Variants in ZNF385D observed in about 807,000 individuals in gnomAD.
The protein encoded by ZNF385D is zinc finger protein 385D, also known as zinc finger protein 659.
A neutral mutation model predicts 35.8 loss-of-function variants in ZNF385D; 15 were observed. The observed-to-expected ratio is 0.42, with a 90% CI of 0.28 to 0.64. The LOEUF (loss-of-function observed/expected upper bound fraction) is 0.64. Ranked by LOEUF, ZNF385D falls within the 30% of genes least tolerant of loss-of-function variation. ZNF385D has a pLI of 0.23. For synonymous variants in ZNF385D, 212 were observed against 186.8 expected (o/e 1.13, Z -1.10); for missense variants, 474 against 494.6 (o/e 0.96, Z 0.39).
chr3:22,250,559 A>G (rs1334735209), intron 2 of ZNF385D, among the ~76,000 whole-genome samples: 2 of 152,118 alleles, frequency 1.3e-5, no homozygotes, highest in Non-Finnish European at 2.9e-5. Context: ...TATAAAGATG[A>G]GCCAGCTATG....
intron 3 of ZNF385D, among the ~76,000 whole-genome samples, chr3:21,983,291 T>C (rs1252148263): frequency 4.3e-5 from 6 of 139,164 alleles, no homozygotes; most frequent in Admixed American, 1.5e-4. Flanking sequence ...ATTAGGTATA[T>C]CTCCCAATGC....
At chr3:22,210,428 C>G (rs906445700) in intron 2 of ZNF385D, among the ~76,000 whole-genome samples, 6 of 151,726 alleles carry the variant, frequency 4.0e-5, no homozygotes, top group African/African-American at 1.5e-4. Flanking sequence ...CACGAATCAG[C>G]TTAAGGACTT....
At chr3:21,755,757 T>A (rs553316940), upstream of ZNF385D, among the ~76,000 whole-genome samples, 1 of 151,862 alleles carries the variant, frequency 6.6e-6, no homozygotes, top group South Asian at 2.1e-4. Flanking sequence ...ACAAATTCAT[T>A]ATTTATCTAT....
At chr3:22,354,593 C>T (rs577977404) in intron 2 of ZNF385D, among the ~76,000 whole-genome samples, 1 of 151,984 alleles carries the variant, frequency 6.6e-6, no homozygotes, top group South Asian at 2.1e-4. Flanking sequence ...TACATTAAAA[C>T]CTTAAGGAAT....
At chr3:21,500,029 G>A (rs1352454834) in intron 4 of ZNF385D, among the ~76,000 whole-genome samples, 1 of 152,118 alleles carries the variant, frequency 6.6e-6, no homozygotes, top group Non-Finnish European at 1.5e-5. Flanking sequence ...AGAAACTGAA[G>A]TAGCTCACTA....
At chr3:21,825,943 T>C (rs1575727841) in intron 3 of ZNF385D, among the ~76,000 whole-genome samples, 3 of 152,132 alleles carry the variant, frequency 2.0e-5, no homozygotes, top group East Asian at 1.9e-4. Context: ...CAAAACCCTG[T>C]TGTGAACTGT....
intron 2 of ZNF385D, among the ~76,000 whole-genome samples, chr3:22,286,809 G>T (rs544348466): frequency 6.6e-6 from 1 of 152,128 alleles, no homozygotes; most frequent in East Asian, 1.9e-4. Context: ...GATCTTTTCT[G>T]AAGAATCATC....
At chr3:21,836,796 T>C (rs529878570) in intron 3 of ZNF385D, among the ~76,000 whole-genome samples, 2 of 152,200 alleles carry the variant, frequency 1.3e-5, no homozygotes, top group East Asian at 3.9e-4. Flanking sequence ...TAAAAAACAT[T>C]CTCGGCTCAC....
intron 3 of ZNF385D, among the ~76,000 whole-genome samples, chr3:22,067,568 C>G: frequency 6.6e-6 from 1 of 152,172 alleles, no homozygotes; most frequent in South Asian, 2.1e-4. Flanking sequence ...TCTAATGATT[C>G]ATAACACTAA....
At chr3:21,929,411 T>A (rs1196809125) in intron 3 of ZNF385D, among the ~76,000 whole-genome samples, 1 of 152,106 alleles carries the variant, frequency 6.6e-6, no homozygotes. Context: ...GAGCAAGGCA[T>A]AGACAGCTGA....
chr3:21,624,740 A>G (rs1237747930), intron 2 of ZNF385D, among the ~76,000 whole-genome samples: 1 of 152,082 alleles, frequency 6.6e-6, no homozygotes, highest in East Asian at 1.9e-4. Context: ...TTCCAGGAAA[A>G]CGTTGAGTCA....
At chr3:22,158,512 C>T (rs1705733141) in intron 3 of ZNF385D, among the ~76,000 whole-genome samples, 1 of 152,018 alleles carries the variant, frequency 6.6e-6, no homozygotes, top group South Asian at 2.1e-4. Flanking sequence ...TTTCAAGTTT[C>T]TTACAAAATA....
intron 1 of ZNF385D, among the ~76,000 whole-genome samples, chr3:21,682,577 A>G (rs980870253): frequency 1.3e-5 from 2 of 150,216 alleles, no homozygotes; most frequent in African/African-American, 4.9e-5. Flanking sequence ...AATGAAAGTC[A>G]AGGGTTAATC....
intron 2 of ZNF385D, among the ~76,000 whole-genome samples, chr3:22,306,338 A>C (rs538594697): frequency 6.6e-6 from 1 of 152,188 alleles, no homozygotes; most frequent in South Asian, 2.1e-4. Context: ...TGGTTAAAAA[A>C]AGTCTTTTTT....
intron 1 of ZNF385D, among the ~76,000 whole-genome samples, chr3:21,750,576 C>T (rs956366369): frequency 3.9e-5 from 6 of 152,168 alleles, no homozygotes; most frequent in Non-Finnish European, 8.8e-5. Context: ...TGACTTCCCA[C>T]GCTGCACTAT....
intron 2 of ZNF385D, among the ~76,000 whole-genome samples, chr3:22,188,667 G>C (rs1231761330): frequency 6.6e-6 from 1 of 151,994 alleles, no homozygotes; most frequent in Non-Finnish European, 1.5e-5. Context: ...AGCCAGGATG[G>C]TCTCGATCTC....
At chr3:22,274,317 A>G (rs571773371) in intron 2 of ZNF385D, among the ~76,000 whole-genome samples, 1 of 151,974 alleles carries the variant, frequency 6.6e-6, no homozygotes, top group Admixed American at 6.6e-5. Flanking sequence ...AAAAAGATAT[A>G]ATTTTTCAGT....
chr3:21,495,909 A>G (rs951740087), intron 4 of ZNF385D, among the ~76,000 whole-genome samples: 3 of 152,190 alleles, frequency 2.0e-5, no homozygotes, highest in South Asian at 2.1e-4. Flanking sequence ...CTCAGAGACT[A>G]CTATGAATAC....
intron 4 of ZNF385D, among the ~76,000 whole-genome samples, chr3:21,477,917 G>A (rs1704354460): frequency 6.6e-6 from 1 of 152,110 alleles, no homozygotes; most frequent in Admixed American, 6.6e-5. Flanking sequence ...AAGAACAAAT[G>A]TCTCAATGAT....
Sources: gnomAD v4.1 joint callset for allele counts (sites outside exome capture counted in the v4.1 genomes callset) on GRCh38, gnomAD v4.1.1 for gene constraint, MANE v1.5 for transcripts, NCBI Gene and HGNC (gene_info 2026-07-23, HGNC 2026-07-21) for gene names.